Variants in WDPCP observed in about 807,000 individuals in gnomAD.
The protein encoded by WDPCP is WD repeat-containing and planar cell polarity effector protein fritz homolog.
In WDPCP, 71 loss-of-function variants were observed where a neutral mutation model predicts 93.1. The observed-to-expected ratio is 0.76, with a 90% confidence interval of 0.63 to 0.93. WDPCP has a LOEUF of 0.93. Ranked by LOEUF, WDPCP falls within the 40% of genes least tolerant of loss-of-function variation. The pLI, the probability that WDPCP is intolerant of heterozygous loss-of-function variation, is 0.00. For synonymous variants in WDPCP, 315 were observed against 315.0 expected (o/e 1.00, Z 0.00); for missense variants, 844 against 887.4 (o/e 0.95, Z 0.62).
chr2:63,518,800 C>G (rs894024564), intron 1 of WDPCP: 1 of 152,240 alleles, frequency 6.6e-6, no homozygotes. Context: ...TAGGGTACCA[C>G]GTGGGCTCGC....
At chr2:63,141,323 C>T (rs547317645) in intron 17 of WDPCP, among the ~76,000 whole-genome samples, 11 of 152,272 alleles carry the variant, frequency 7.2e-5, no homozygotes, top group African/African-American at 1.7e-4. Flanking sequence ...GTGATCCACC[C>T]GCCTCAGCCC....
intron 14 of WDPCP, among the ~76,000 whole-genome samples, chr2:63,250,406 T>G (rs1054675235): frequency 6.6e-6 from 1 of 152,190 alleles, no homozygotes; most frequent in African/African-American, 2.4e-5. Context: ...TGGGCTGTGG[T>G]TGACTGCAGG....
intron 9 of WDPCP, among the ~76,000 whole-genome samples, chr2:63,431,079 T>C (rs1204845899): frequency 6.6e-6 from 1 of 152,242 alleles, no homozygotes; most frequent in African/African-American, 2.4e-5. Flanking sequence ...TAGAATCTAC[T>C]GTTAAAACTC....
chr2:63,641,661 T>A (rs942363980), intron 3 of WDPCP, among the ~76,000 whole-genome samples: 1 of 152,118 alleles, frequency 6.6e-6, no homozygotes, highest in South Asian at 2.1e-4. Flanking sequence ...CCCTATAGAG[T>A]TGTTTGAGCT....
intron 13 of WDPCP, among the ~76,000 whole-genome samples, chr2:63,286,193 A>G (rs927648649): frequency 1.3e-5 from 2 of 152,114 alleles, no homozygotes; most frequent in African/African-American, 4.8e-5. Flanking sequence ...TAAATGTAAT[A>G]TATATCTGGA....
intron 14 of WDPCP, among the ~76,000 whole-genome samples, chr2:63,225,960 G>A (rs549724200): frequency 1.3e-5 from 2 of 151,962 alleles, no homozygotes; most frequent in East Asian, 3.9e-4. Context: ...TGGTCTGGAT[G>A]CCAATTATAT....
chr2:63,742,371 G>C (rs928493165), intron 2 of WDPCP, among the ~76,000 whole-genome samples: 1 of 151,846 alleles, frequency 6.6e-6, no homozygotes, highest in South Asian at 2.1e-4. Context: ...CTTAATTAAA[G>C]TGCCATGTAA....
intron 14 of WDPCP, among the ~76,000 whole-genome samples, chr2:63,213,605 G>A (rs1394476200): frequency 6.6e-6 from 1 of 151,936 alleles, no homozygotes; most frequent in Non-Finnish European, 1.5e-5. Context: ...CGAGCACAAG[G>A]CAAGAAATAA....
At position 63,192,719 on chromosome 2, in the gene WDPCP, G is replaced by A. The variant is rs1675143410; in HGVS notation, c.1916-17887C>T. 4.6e-5 allele frequency among the ~76,000 whole-genome samples: 7 copies of A among 152,320 alleles called. No homozygotes were observed. In the South Asian group the frequency reaches 1.4e-3, roughly 32 times the overall value. The stretch of plus-strand genomic sequence containing the variant: ...GAGAAGTGAGCTAAGAGAACTTATT[G>A]CTGTTATACATTTGTCTTCTGAAAT... On this transcript the variant is annotated intron_variant, in intron 14 of 17. Transcript: ENST00000272321.
At chr2:63,400,098 T>A (rs886562013) in intron 10 of WDPCP, among the ~76,000 whole-genome samples, 1 of 152,216 alleles carries the variant, frequency 6.6e-6, no homozygotes, top group Admixed American at 6.5e-5. Context: ...ATAGCCATAA[T>A]GTACATTAAT....
chr2:63,840,737 C>G, the WDPCP span, among the ~76,000 whole-genome samples: 1 of 152,256 alleles, frequency 6.6e-6, no homozygotes, highest in African/African-American at 2.4e-5. Context: ...CTCAGGTGCT[C>G]TCCCTCACTG....
intron 1 of WDPCP, among the ~76,000 whole-genome samples, chr2:63,573,860 T>C (rs1707725879): frequency 6.6e-6 from 1 of 152,172 alleles, no homozygotes; most frequent in Non-Finnish European, 1.5e-5. Context: ...AGGGTAGGCC[T>C]CTAAAATGGC....
chr2:63,122,343 A>C (rs1424560524), intron 17 of WDPCP, among the ~76,000 whole-genome samples: 1 of 152,186 alleles, frequency 6.6e-6, no homozygotes, highest in Non-Finnish European at 1.5e-5. Context: ...CCTCCAATGA[A>C]AAATTGCAAA....
chr2:63,358,034 C>T (rs1690148501), intron 12 of WDPCP, among the ~76,000 whole-genome samples: 1 of 152,136 alleles, frequency 6.6e-6, no homozygotes, highest in African/African-American at 2.4e-5. Context: ...CATGTTCTCA[C>T]TTATAAGTGG....
At chr2:63,706,600 CTTTTTTTTTTTT>C (rs896018299) in intron 2 of WDPCP, among the ~76,000 whole-genome samples, 2 of 61,700 alleles carry the variant, frequency 3.2e-5, no homozygotes, top group South Asian at 5.2e-4. Context: ...AAATTCTTTT[CTTTTTTTTTTTT>C]TTTTTTTTTT....
intron 10 of WDPCP, among the ~76,000 whole-genome samples, chr2:63,384,736 A>T (rs1692590884): frequency 6.6e-6 from 1 of 152,056 alleles, no homozygotes; most frequent in African/African-American, 2.4e-5. Context: ...AAAAATAGTA[A>T]TACGTAAAAA....
intron 2 of WDPCP, among the ~76,000 whole-genome samples, chr2:63,674,690 A>T (rs936811968): frequency 1.3e-5 from 2 of 149,760 alleles, no homozygotes; most frequent in Non-Finnish European, 3.0e-5. Flanking sequence ...TAAGGGGCAG[A>T]TCTCATGTTA....
intron 6 of WDPCP, among the ~76,000 whole-genome samples, chr2:63,457,122 A>G (rs995778906): frequency 6.6e-6 from 1 of 152,212 alleles, no homozygotes; most frequent in African/African-American, 2.4e-5. Context: ...AGACCCAGAT[A>G]AAATCATAAG....
At chr2:63,369,427 T>TA (rs1364971963) in intron 12 of WDPCP, 2 of 456,454 alleles carry the variant, frequency 4.4e-6, no homozygotes, top group Admixed American at 4.7e-5. Flanking sequence ...CACTCTCTTA[T>TA]AAAAGTGGTC....
Sources: allele counts gnomAD v4.1 joint callset (sites outside exome capture counted in the v4.1 genomes callset), GRCh38; gene constraint gnomAD v4.1.1; transcripts MANE v1.5; gene names NCBI Gene and HGNC (gene_info 2026-07-23, HGNC 2026-07-21).